The following ASIC2 variants were observed in gnomAD, a reference collection of about 807,000 sequenced individuals.
The protein encoded by ASIC2 is acid-sensing ion channel 2.
A neutral mutation model predicts 57.3 loss-of-function variants in ASIC2; 25 were observed. The ratio of observed to expected loss-of-function variants is 0.44; its 90% CI spans 0.32 to 0.61. The LOEUF (loss-of-function observed/expected upper bound fraction) is 0.61. ASIC2 is among the 20% of genes least tolerant of loss of function. The pLI is 0.06. For synonymous variants in ASIC2, 319 were observed against 307.5 expected (o/e 1.04, Z -0.39); for missense variants, 641 against 738.1 (o/e 0.87, Z 1.52).
intron 1 of ASIC2, among the ~76,000 whole-genome samples, chr17:33,380,245 C>CAAAAAAAAAAAAAAAA (rs10586872): frequency 5.2e-4 from 37 of 71,046 alleles, no homozygotes; most frequent in East Asian, 1.4e-3. Flanking sequence ...AACCCTGTCT[C>CAAAAAAAAAAAAAAAA]AAAAAAAAAA....
chr17:33,401,382 T>C (rs1910281958), intron 1 of ASIC2, among the ~76,000 whole-genome samples: 1 of 152,172 alleles, frequency 6.6e-6, no homozygotes, highest in African/African-American at 2.4e-5. Context: ...CTTGCCATTG[T>C]AGTGTTAACC....
rs1406949221 is a variant in ASIC2 at position 33,499,416 on chromosome 17, A to G, written c.556-387349T>C. Among the ~76,000 whole-genome samples, 8 of 152,374 alleles carry G rather than the reference A, an allele frequency of 5.3e-5. No individual in the cohort carries two copies. In the South Asian group the frequency reaches 1.0e-3, roughly 20 times the overall value. On this transcript the variant is annotated intron_variant, in intron 1 of 9. Coordinates refer to the ASIC2 transcript ENST00000359872. ...CAGGGAGGGGTGCTGATGAAAGAACACCATGTGAGATATAGACTCACAAAC... is the reference window on the plus strand; with the variant it reads ...CAGGGAGGGGTGCTGATGAAAGAACGCCATGTGAGATATAGACTCACAAAC...
At chr17:33,246,370 A>T (rs1416715446) in intron 1 of ASIC2, among the ~76,000 whole-genome samples, 4 of 152,164 alleles carry the variant, frequency 2.6e-5, no homozygotes, top group Non-Finnish European at 5.9e-5. Flanking sequence ...TTCCCTAAGG[A>T]TGAAACGCCA....
chr17:33,534,199 C>T (rs1196567615), intron 1 of ASIC2: 1 of 152,128 alleles, frequency 6.6e-6, no homozygotes, highest in Non-Finnish European at 1.5e-5. Flanking sequence ...GCCTTCAGAT[C>T]ACTCCCCAGC....
At chr17:33,023,703 T>A (rs1295550618) in intron 6 of ASIC2, among the ~76,000 whole-genome samples, 158 bp downstream of exon 6, 2 of 152,182 alleles carry the variant, frequency 1.3e-5, no homozygotes, top group Non-Finnish European at 2.9e-5. Flanking sequence ...GTCTTTGTAT[T>A]CTGAACATGG....
intron 3 of ASIC2, among the ~76,000 whole-genome samples, chr17:33,074,934 T>A (rs1414198682): frequency 6.6e-6 from 1 of 152,270 alleles, no homozygotes; most frequent in Non-Finnish European, 1.5e-5. Context: ...CAAAGATGGA[T>A]GTTACAGAGG....
intron 1 of ASIC2, among the ~76,000 whole-genome samples, chr17:33,760,084 A>G (rs1003423918): frequency 6.6e-6 from 1 of 152,204 alleles, no homozygotes; most frequent in Non-Finnish European, 1.5e-5. Flanking sequence ...AAGCAAACTA[A>G]GATACTGTCT....
intron 1 of ASIC2, among the ~76,000 whole-genome samples, chr17:34,043,802 G>C (rs940763160): frequency 1.3e-5 from 2 of 152,196 alleles, no homozygotes; most frequent in Non-Finnish European, 1.5e-5. Context: ...AATGGACTGG[G>C]TGTGTTTTGA....
chr17:34,024,484 C>T (rs1907298455), intron 1 of ASIC2, among the ~76,000 whole-genome samples: 1 of 152,244 alleles, frequency 6.6e-6, no homozygotes, highest in African/African-American at 2.4e-5. Context: ...AGCATGGTCA[C>T]TGTCGATAGC....
chr17:34,049,834 C>T lies in ASIC2; in HGVS notation c.555+106144G>A, dbSNP rs1908485758. ...GATAATCTCCAGCAAACCTGCTCCA[C>T]GGTGGTAATTACTCTCTCCTCTGTG... On this transcript the variant is annotated intron_variant, in intron 1 of 9. Coordinates refer to the ASIC2 transcript ENST00000359872. Among the ~76,000 whole-genome samples, 4 of 152,148 alleles carry T rather than the reference C, an allele frequency of 2.6e-5. No homozygotes were observed. In the South Asian group the frequency reaches 8.3e-4, roughly 32 times the overall value.
intron 1 of ASIC2, among the ~76,000 whole-genome samples, chr17:33,220,430 T>C (rs1907647319): frequency 2.6e-5 from 4 of 152,140 alleles, no homozygotes; most frequent in Admixed American, 1.3e-4. Flanking sequence ...CACTTCCCCA[T>C]TGACGTGGTT....
At position 33,655,037 on chromosome 17, in the gene ASIC2, G is replaced by A. The variant is rs545793346; in HGVS notation, c.555+500941C>T. Among the ~76,000 whole-genome samples, 16 of 152,252 alleles carry A rather than the reference G, an allele frequency of 1.1e-4. No individual in the cohort carries two copies. In the South Asian group the frequency reaches 1.9e-3, roughly 18 times the overall value. On this transcript the variant is annotated intron_variant, in intron 1 of 9. Coordinates refer to the ASIC2 transcript ENST00000359872. ...GCAGTCTTGGACAGTGTCTTGACTG[G>A]CTCTTCTCTCAATCCCCCACTAGAT...
At chr17:33,841,381 A>C (rs1297280821) in intron 1 of ASIC2, among the ~76,000 whole-genome samples, 1 of 151,940 alleles carries the variant, frequency 6.6e-6, no homozygotes, top group Admixed American at 6.5e-5. Context: ...TTTTTTTTTC[A>C]ATAAAAGTCT....
chr17:33,693,868 C>T (rs1247628125), intron 1 of ASIC2, among the ~76,000 whole-genome samples: 2 of 152,166 alleles, frequency 1.3e-5, no homozygotes, highest in Non-Finnish European at 2.9e-5. Flanking sequence ...TAGGAGAGGG[C>T]TCTAGAATAG....
chr17:33,691,284 G>C (rs1178278876), intron 1 of ASIC2, among the ~76,000 whole-genome samples: 2 of 152,146 alleles, frequency 1.3e-5, no homozygotes, highest in African/African-American at 4.8e-5. Context: ...GTATAATTTT[G>C]ATGGAAATTG....
intron 1 of ASIC2, among the ~76,000 whole-genome samples, chr17:33,264,510 A>G (rs540413567): frequency 6.6e-6 from 1 of 152,350 alleles, no homozygotes; most frequent in South Asian, 2.1e-4. Flanking sequence ...CAAGCTGCCT[A>G]ACTCCTTTCC....
At chr17:33,121,101 C>T (rs1300804985) in intron 1 of ASIC2, among the ~76,000 whole-genome samples, 1 of 152,238 alleles carries the variant, frequency 6.6e-6, no homozygotes, top group East Asian at 1.9e-4. Context: ...AGGCTCCGCC[C>T]AGGCAGGGAG....
At chr17:33,446,262 GAATT>G (rs772652518) in intron 1 of ASIC2, among the ~76,000 whole-genome samples, 13 of 152,200 alleles carry the variant, frequency 8.5e-5, no homozygotes, top group Admixed American at 2.6e-4. Flanking sequence ...TTGATCTTAT[GAATT>G]ATTTCTTTTC....
chr17:33,953,519 C>T lies in ASIC2; in HGVS notation c.555+202459G>A, dbSNP rs187006092. The stretch of plus-strand genomic sequence containing the variant: ...ATATCACAATAGACCAGATTCAAAT[C>T]CTGGTCTATTGTATCTACTTGGTTG... On this transcript the variant is annotated intron_variant, in intron 1 of 9. Transcript: ENST00000359872. Among the ~76,000 whole-genome samples, 86 of 152,044 alleles carry T rather than the reference C, an allele frequency of 5.7e-4. No individual in the cohort carries two copies. In the East Asian group the frequency reaches 0.015, roughly 27 times the overall value.
Sources: allele counts gnomAD v4.1 joint callset (sites outside exome capture counted in the v4.1 genomes callset), GRCh38; gene constraint gnomAD v4.1.1; transcripts MANE v1.5; gene names NCBI Gene and HGNC (gene_info 2026-07-23, HGNC 2026-07-21).